The following LRRTM4 variants were observed in gnomAD, a reference collection of about 807,000 sequenced individuals.
LRRTM4 encodes leucine-rich repeat transmembrane neuronal protein 4.
Under a neutral mutation model 47.6 loss-of-function variants are expected in LRRTM4, and 25 were observed. That is an observed-to-expected ratio of 0.53 (90% CI 0.38 to 0.73). The LOEUF (loss-of-function observed/expected upper bound fraction) is 0.73, where lower values mean the gene tolerates loss of function less well. Ranked by LOEUF, LRRTM4 falls within the 30% of genes least tolerant of loss-of-function variation. The probability of loss-of-function intolerance (pLI) is 0.00; values close to 1 mark genes in which losing one functional copy is unlikely to be tolerated. For missense variants in LRRTM4, 638 were observed against 713.4 expected, an observed-to-expected ratio of 0.89 and a Z score of 1.20; for synonymous variants, 311 against 269.5, an observed-to-expected ratio of 1.15 and a Z score of -1.51.
intron 3 of LRRTM4, among the ~76,000 whole-genome samples, chr2:76,972,761 T>C (rs376431135): frequency 2.0e-5 from 3 of 152,014 alleles, no homozygotes; most frequent in African/African-American, 4.8e-5. Flanking sequence ...AGTGTGGTAG[T>C]GTAAACACAT....
intron 3 of LRRTM4, among the ~76,000 whole-genome samples, chr2:77,137,047 A>T (rs1323605167): frequency 6.6e-6 from 1 of 151,890 alleles, no homozygotes; most frequent in Non-Finnish European, 1.5e-5. Context: ...GGTGGAAAAC[A>T]CTCTGCAAGA....
At chr2:76,969,218 A>G (rs1051155464) in intron 3 of LRRTM4, among the ~76,000 whole-genome samples, 2 of 151,972 alleles carry the variant, frequency 1.3e-5, no homozygotes, top group Non-Finnish European at 1.5e-5. Flanking sequence ...CCCAAGGAGT[A>G]ATAGCATAGA....
At position 77,479,184 on chromosome 2, in the gene LRRTM4, C is replaced by G. The variant is rs145652644; in HGVS notation, c.1551+39134G>C. The stretch of plus-strand genomic sequence containing the variant: ...GTGCTGGGATTATAGGTATGAGCCA[C>G]TGCACCTGGCTGTAATTCAGTATTT... On this transcript the variant is annotated intron_variant, in intron 3 of 3. Coordinates refer to ENST00000409884, the MANE Select transcript of LRRTM4 (RefSeq NM_001134745.3). Among the ~76,000 whole-genome samples the G allele has an allele frequency of 7.0e-4, 107 of 152,298 alleles. 2 individuals carry two copies. The highest frequency in any genetic ancestry group is 1.1e-3 in the Non-Finnish European group (76 of 68,020).
At chr2:77,406,348 G>T (rs370786065) in intron 3 of LRRTM4, among the ~76,000 whole-genome samples, 17 of 152,136 alleles carry the variant, frequency 1.1e-4, no homozygotes, top group Middle Eastern at 3.4e-3. Context: ...TAGAGACAGG[G>T]TCTCATTCTG....
At chr2:77,156,545 T>A (rs947794339) in intron 3 of LRRTM4, among the ~76,000 whole-genome samples, 5 of 151,982 alleles carry the variant, frequency 3.3e-5, no homozygotes, top group African/African-American at 4.8e-5. Flanking sequence ...AAATGATATA[T>A]TCAGAATGAT....
chr2:77,255,969 A>G (rs768098592), intron 3 of LRRTM4, among the ~76,000 whole-genome samples: 2 of 152,096 alleles, frequency 1.3e-5, no homozygotes, highest in African/African-American at 2.4e-5. Context: ...GAGAAATTCA[A>G]TGTAACAAAA....
intron 3 of LRRTM4, among the ~76,000 whole-genome samples, chr2:77,011,031 T>G (rs190903384): frequency 6.6e-6 from 1 of 152,192 alleles, no homozygotes; most frequent in African/African-American, 2.4e-5. Flanking sequence ...GACCAATTTT[T>G]GATCAGACAG....
At position 76,805,052 on chromosome 2, in the gene LRRTM4, A is replaced by C. The variant is rs999777096; in HGVS notation, c.1552-56136T>G. On this transcript the variant is annotated intron_variant, in intron 3 of 3. Transcript: ENST00000409884. ...TTTATTTTTTATTTTTTGGCCTGAC[A>C]AAGCCCGTTCTTCTCAAAACCTCTT... Among the ~76,000 whole-genome samples, 18 of 152,134 alleles carry C rather than the reference A, an allele frequency of 1.2e-4. 1 individual carries two copies. The highest frequency in any genetic ancestry group is 9.8e-4 in the Admixed American group (15 of 15,262).
At chr2:77,093,653 T>C (rs1670720325) in intron 3 of LRRTM4, among the ~76,000 whole-genome samples, 1 of 151,930 alleles carries the variant, frequency 6.6e-6, no homozygotes, top group South Asian at 2.1e-4. Flanking sequence ...CTTATTAATA[T>C]AAGAAGACAG....
At chr2:77,111,554 T>C (rs930781999) in intron 3 of LRRTM4, among the ~76,000 whole-genome samples, 16 of 152,158 alleles carry the variant, frequency 1.1e-4, no homozygotes, top group Non-Finnish European at 1.6e-4. Flanking sequence ...CACACTGTTA[T>C]GAGTAGGGTG....
intron 3 of LRRTM4, among the ~76,000 whole-genome samples, chr2:76,854,938 C>T (rs1372100291): frequency 1.4e-5 from 2 of 143,728 alleles, no homozygotes; most frequent in Admixed American, 7.1e-5. Context: ...AAGAAAGAAA[C>T]AGTAGAGCAG....
chr2:77,159,439 T>G (rs1360718896), intron 3 of LRRTM4, among the ~76,000 whole-genome samples: 3 of 150,280 alleles, frequency 2.0e-5, no homozygotes, highest in Admixed American at 1.3e-4. Flanking sequence ...AATTAATGGG[T>G]GCAGCACACC....
chr2:76,910,230 G>C (rs561846434), intron 3 of LRRTM4, among the ~76,000 whole-genome samples: 32 of 151,974 alleles, frequency 2.1e-4, no homozygotes, highest in African/African-American at 7.7e-4. Context: ...ATCATTCTCA[G>C]CAAACTATCG....
At chr2:77,226,781 T>C (rs545379341) in intron 3 of LRRTM4, among the ~76,000 whole-genome samples, 15 of 151,960 alleles carry the variant, frequency 9.9e-5, no homozygotes, top group African/African-American at 3.6e-4. Flanking sequence ...AGGAATGTAG[T>C]GGGGTAGCCT....
chr2:76,990,445 G>C (rs746242415), intron 3 of LRRTM4, among the ~76,000 whole-genome samples: 2 of 151,668 alleles, frequency 1.3e-5, no homozygotes, highest in African/African-American at 4.8e-5. Context: ...GGCTCAAAGA[G>C]TTGGAAAAAG....
chr2:77,012,405 G>A (rs1405998079), intron 3 of LRRTM4, among the ~76,000 whole-genome samples: 1 of 151,966 alleles, frequency 6.6e-6, no homozygotes, highest in African/African-American at 2.4e-5. Context: ...TGCCTAACAA[G>A]CGTGTATTTG....
intron 3 of LRRTM4, among the ~76,000 whole-genome samples, chr2:76,793,307 A>C (rs1675078324): frequency 6.6e-6 from 1 of 152,154 alleles, no homozygotes; most frequent in Non-Finnish European, 1.5e-5. Flanking sequence ...GGGTTAGCAA[A>C]CAAATGCCTC....
intron 3 of LRRTM4, among the ~76,000 whole-genome samples, chr2:77,017,909 G>C (rs779212319): frequency 3.6e-5 from 5 of 137,594 alleles, no homozygotes; most frequent in Non-Finnish European, 6.3e-5. Flanking sequence ...CTTTAAAACA[G>C]GAAGTGTTAG....
intron 3 of LRRTM4, among the ~76,000 whole-genome samples, chr2:77,141,512 C>T (rs1038118254): frequency 6.6e-6 from 1 of 152,044 alleles, no homozygotes; most frequent in Non-Finnish European, 1.5e-5. Context: ...AGCAGATATA[C>T]CTAATGTAAA....
Sources: allele counts gnomAD v4.1 joint callset (sites outside exome capture counted in the v4.1 genomes callset), GRCh38; gene constraint gnomAD v4.1.1; transcripts MANE v1.5; gene names NCBI Gene and HGNC (gene_info 2026-07-23, HGNC 2026-07-21).